The following BIRC6 variants were observed in gnomAD, a reference collection of about 807,000 sequenced individuals.
The protein encoded by BIRC6 is baculoviral IAP repeat containing 6.
A neutral mutation model predicts 503.3 loss-of-function variants in BIRC6; 98 were observed. The ratio of observed to expected loss-of-function variants is 0.19; its 90% CI spans 0.17 to 0.23. The LOEUF is 0.23. Among genes scored for constraint, BIRC6 ranks in the 10% least tolerant of loss-of-function variants. BIRC6 has a pLI of 1.00. For missense variants in BIRC6, 5,360 were observed against 5,806.0 expected, an observed-to-expected ratio of 0.92 and a Z score of 2.50; for synonymous variants, 2,240 against 2,078.7, an observed-to-expected ratio of 1.08 and a Z score of -2.11.
intron 6 of BIRC6, among the ~76,000 whole-genome samples, chr2:32,397,592 G>A (rs1281571206): frequency 7.0e-6 from 1 of 143,438 alleles, no homozygotes; most frequent in East Asian, 2.0e-4. Context: ...GTGTGTGTGT[G>A]TGTGTGTGTG....
chr2:32,401,485 A>G lies in BIRC6; in HGVS notation c.1280A>G (p.Asn427Ser). The G allele has an allele frequency of 6.2e-7, 1 of 1,613,974 alleles. No homozygotes were observed. The highest frequency in any genetic ancestry group is 8.5e-7 in the Non-Finnish European group (1 of 1,179,876). The part of the protein sequence containing the change: ...LMKVHLKFEI[N>S]AYDPAIVQQL... ...TAGGTGCACTTAAAGTTTGAAATTA[A>G]TGCCTATGATCCAGCAATTGTACAA... The change falls in exon 8 of 74, where the codon AAT becomes AGT. Residue 427 changes from asparagine (N) to serine (S), a missense_variant. Around this residue, in one of 16 missense-constraint regions of BIRC6, gnomAD observed 700 missense variants for 739.3 expected, o/e 0.95. Transcript: ENST00000421745.
chr2:32,428,283 C>G (rs1159785099), intron 10 of BIRC6, among the ~76,000 whole-genome samples: 1 of 152,178 alleles, frequency 6.6e-6, no homozygotes, highest in African/African-American at 2.4e-5. Flanking sequence ...TTTACCAGGC[C>G]CCCTGTGCTT....
intron 4 of BIRC6, among the ~76,000 whole-genome samples, chr2:32,391,097 A>G (rs2039177578): frequency 6.6e-6 from 1 of 152,204 alleles, no homozygotes; most frequent in Non-Finnish European, 1.5e-5. Flanking sequence ...TGAGATTATA[A>G]AAGAGTCAGC....
chr2:32,369,852 A>G (rs1291890668), intron 1 of BIRC6, among the ~76,000 whole-genome samples: 6 of 145,756 alleles, frequency 4.1e-5, no homozygotes, highest in South Asian at 4.4e-4. Flanking sequence ...GCTGCTTGGG[A>G]GACTGAGGTG....
At chr2:32,555,742 G>A (rs1261289220) in intron 65 of BIRC6, among the ~76,000 whole-genome samples, 1 of 151,990 alleles carries the variant, frequency 6.6e-6, no homozygotes, top group African/African-American at 2.4e-5. Flanking sequence ...AGGCTGAAGC[G>A]TGAGGATCAC....
intron 61 of BIRC6, chr2:32,532,130 A>G (rs773703873): frequency 2.7e-4 from 29 of 107,860 alleles, no homozygotes; most frequent in Non-Finnish European, 4.2e-4. Context: ...CTTTGATTTC[A>G]TGTCGTGTGT....
intron 46 of BIRC6, 87 bp from the exon 47 acceptor site, chr2:32,501,626 C>T (rs2149470400): frequency 8.6e-7 from 1 of 1,160,118 alleles, no homozygotes; most frequent in Admixed American, 2.8e-5. Context: ...CTGCCTCGGC[C>T]TCCCAAAGTG....
chr2:32,396,879 C>T (rs2039956463), intron 6 of BIRC6, among the ~76,000 whole-genome samples: 1 of 151,896 alleles, frequency 6.6e-6, no homozygotes, highest in African/African-American at 2.4e-5. Context: ...GTGCGTGGGC[C>T]ACCACACCCG....
intron 5 of BIRC6, among the ~76,000 whole-genome samples, chr2:32,394,860 A>C (rs947762910): frequency 3.3e-5 from 5 of 152,070 alleles, no homozygotes; most frequent in Non-Finnish European, 7.4e-5. Context: ...TCTTTAAAAA[A>C]ACAACAAGAG....
chr2:32,556,196 G>A (rs2058768413), intron 65 of BIRC6, among the ~76,000 whole-genome samples: 5 of 152,130 alleles, frequency 3.3e-5, no homozygotes, highest in Admixed American at 3.3e-4. Flanking sequence ...ATCCAATGTG[G>A]AAATGACTTT....
chr2:32,464,886 A>C, intron 25 of BIRC6, 63 bp downstream of exon 25: 1 of 1,524,606 alleles, frequency 6.6e-7, no homozygotes, highest in Non-Finnish European at 8.8e-7. Context: ...ATATACTCTA[A>C]CTTTAGAAGG....
intron 3 of BIRC6, among the ~76,000 whole-genome samples, chr2:32,385,921 A>C (rs1007001102): frequency 1.3e-5 from 2 of 152,168 alleles, no homozygotes; most frequent in African/African-American, 4.8e-5. Context: ...TGGAGGGAAT[A>C]TCCTGACATG....
intron 1 of BIRC6, among the ~76,000 whole-genome samples, chr2:32,367,036 G>C (rs1236517745): frequency 6.6e-6 from 1 of 152,116 alleles, no homozygotes; most frequent in African/African-American, 2.4e-5. Context: ...TCAAATGTAA[G>C]GGATACAAAA....
rs978901639 is a variant in BIRC6 at position 32,618,377 on chromosome 2, A to T, written c.*473A>T. On this transcript the variant is annotated 3_prime_UTR_variant, in exon 74 of 74. Coordinates refer to ENST00000421745, the MANE Select transcript of BIRC6 (RefSeq NM_016252.4). ...TCATGCTCACATTTGATTTCTGAAG[A>T]CCTCCTACATACACTTCAATAAAAG... The T allele has an allele frequency of 6.6e-6, 1 of 152,322 alleles. No homozygotes were observed. The highest frequency in any genetic ancestry group is 2.4e-5 in the African/African-American group (1 of 41,388). The allele number at this position is 152,322 out of a possible 1,614,324, so 9.4% of individuals were successfully genotyped here. A position where few individuals can be genotyped will look rare whatever the true frequency, so the allele number is the denominator to read the frequency against.
intron 3 of BIRC6, among the ~76,000 whole-genome samples, chr2:32,380,841 A>G (rs1025992047): frequency 6.6e-6 from 1 of 152,188 alleles, no homozygotes; most frequent in Non-Finnish European, 1.5e-5. Context: ...AATCTTTCTT[A>G]GTGCCTGATG....
At position 32,395,524 on chromosome 2, in the gene BIRC6, G is replaced by A; in HGVS notation, c.965G>A (p.Gly322Glu). 6.2e-7 allele frequency: 1 copy of A among 1,609,688 alleles called. No homozygotes were observed. The highest frequency in any genetic ancestry group is 1.1e-5 in the South Asian group (1 of 90,568). ...AGFYHQPASS[G>E]DDRAMCFTCS... ...ATAATTTTGCAGCCTGCCTCATCTG[G>A]AGATGATAGAGCCATGTGTTTTACT... The change falls in exon 6 of 74, where the codon GGA becomes GAA. Residue 322 changes from glycine to glutamate, a missense_variant. By Grantham distance (98) the Gly-to-Glu change is moderately conservative (BLOSUM62 -2). Around this residue, in one of 16 missense-constraint regions of BIRC6, gnomAD observed 92 missense variants for 176.7 expected, o/e 0.52. Transcript: ENST00000421745.
At chr2:32,511,863 G>T (rs556302120) in intron 53 of BIRC6, among the ~76,000 whole-genome samples, 2 of 152,062 alleles carry the variant, frequency 1.3e-5, no homozygotes, top group South Asian at 4.2e-4. Flanking sequence ...GATTGCAATT[G>T]TTTTTGATGA....
At chr2:32,580,200 C>T (rs1171925755) in intron 66 of BIRC6, among the ~76,000 whole-genome samples, 3 of 152,082 alleles carry the variant, frequency 2.0e-5, no homozygotes, top group South Asian at 2.1e-4. Flanking sequence ...GTAATCCGCC[C>T]GCCTCAGCCT....
At chr2:32,489,911 G>C (rs1009251025) in intron 42 of BIRC6, 130 bp from the exon 43 acceptor site, 2 of 628,788 alleles carry the variant, frequency 3.2e-6, no homozygotes, top group African/African-American at 3.7e-5. Context: ...TTATTTGCAT[G>C]TTTTGAAGAC....
Sources: gnomAD v4.1 joint callset for allele counts (sites outside exome capture counted in the v4.1 genomes callset) on GRCh38, gnomAD v4.1.1 for gene constraint, gnomAD v4.1.1 regional missense constraint, MANE v1.5 for transcripts, NCBI Gene and HGNC (gene_info 2026-07-23, HGNC 2026-07-21) for gene names.